Variants in CIITA observed in about 807,000 individuals in gnomAD.
The protein encoded by CIITA is MHC class II transactivator.
CIITA carries 72 observed loss-of-function variants against 115.1 expected under a neutral mutation model. That is an observed-to-expected ratio of 0.63 (90% CI 0.52 to 0.76). The LOEUF (loss-of-function observed/expected upper bound fraction) is 0.76. CIITA is among the 30% of genes least tolerant of loss of function. CIITA has a pLI of 0.00. For missense variants in CIITA, 1,617 were observed against 1,463.8 expected (o/e 1.10, Z -1.71); for synonymous variants, 763 against 635.6 (o/e 1.20, Z -3.02).
At position 10,906,557 on chromosome 16, in the gene CIITA, C is replaced by A; in HGVS notation, c.1065C>A (p.Gly355=). The A allele has an allele frequency of 6.2e-7, 1 of 1,613,090 alleles. No homozygotes were observed. The highest frequency in any genetic ancestry group is 8.5e-7 in the Non-Finnish European group (1 of 1,180,018). ...ACACGTATGGTGCCGAGCCCGCAGGCCCGGATGGCATCCTAGTGGAGGTGG... is the reference window on the plus strand; with the variant it reads ...ACACGTATGGTGCCGAGCCCGCAGGACCGGATGGCATCCTAGTGGAGGTGG... ...LQDTYGAEPA[G]PDGILVEVDL... The change falls in exon 11 of 20, where the codon GGC becomes GGA. Residue 355 remains glycine (G), a synonymous_variant. Transcript: ENST00000324288.
Position 10,877,253 on chromosome 16 carries a change from G to A in CIITA, c.-78G>A. On this transcript the variant is annotated 5_prime_UTR_variant, in exon 1 of 20. Coordinates refer to ENST00000324288, the MANE Select transcript of CIITA (RefSeq NM_000246.4). ...GTGCTTCTGAGCTGGGCATCCGAAG[G>A]CATCCTTGGGGAAGCTGAGGGCACG... The A allele has an allele frequency of 1.5e-6, 2 of 1,354,240 alleles. No individual in the cohort carries two copies. Among genetic ancestry groups the A allele is most frequent in the Non-Finnish European group, 2.1e-6 (2 of 959,512 alleles). The allele number at this position is 1,354,240 out of a possible 1,614,324, so 83.9% of individuals were successfully genotyped here.
chr16:10,867,459 A>T (rs1229129123), intron 1 of CIITA, among the ~76,000 whole-genome samples: 2 of 151,730 alleles, frequency 1.3e-5, no homozygotes, highest in Non-Finnish European at 2.9e-5. Context: ...ACAGAAAGAG[A>T]CAGAGAGACA....
intron 1 of CIITA, among the ~76,000 whole-genome samples, chr16:10,893,575 G>A (rs997701015): frequency 6.6e-6 from 1 of 151,972 alleles, no homozygotes; most frequent in Non-Finnish European, 1.5e-5. Flanking sequence ...GGAGGCCGAG[G>A]AGACAGGCGG....
chr16:10,907,069 G>A lies in CIITA; in HGVS notation c.1577G>A (p.Arg526Gln), dbSNP rs200240463. The A allele has an allele frequency of 8.7e-6, 14 of 1,607,058 alleles. No homozygotes were observed. The highest frequency in any genetic ancestry group is 3.3e-5 in the South Asian group (3 of 91,062). The change falls in exon 11 of 20, where the codon CGG becomes CAG. Residue 526 changes from arginine to glutamine, a missense_variant. Arg to Gln is a conservative substitution (Grantham distance 43). Transcript: ENST00000324288. This position sits in a 1 kb window ranked among gnomAD's most constrained non-coding sequence, Gnocchi z 5.0. ...GPAPAEPCSL[R>Q]GLLAGLFQKK... ...GCACCGGCGGAGCCCTGCTCCCTCC[G>A]GGGGCTGCTGGCCGGCCTTTTCCAG...
Position 10,923,149 on chromosome 16 carries a change from A to G in CIITA, c.3318-79A>G. On this transcript the variant is annotated intron_variant, in intron 18 of 19. Coordinates refer to ENST00000324288, the MANE Select transcript of CIITA (RefSeq NM_000246.4). This position sits in a 1 kb window ranked among gnomAD's most constrained non-coding sequence, Gnocchi z 5.2. ...CGTTCTAGGCTGGGTGGAAGGAGGG[A>G]TTTGGGGGCAGCTGTCACTGGGGCC... is the stretch of plus-strand genomic sequence containing the variant. The G allele has an allele frequency of 1.7e-6, 2 of 1,186,124 alleles. No homozygotes were observed. Among genetic ancestry groups the G allele is most frequent in the Non-Finnish European group, 2.5e-6 (2 of 798,952 alleles). 73.5% of individuals were successfully genotyped at this position (1,186,124 alleles called of 1,614,324 possible).
Position 10,923,464 on chromosome 16 carries a change from T to C in CIITA, c.*22+139T>C. 1 of 676,008 alleles carries C rather than the reference T, an allele frequency of 1.5e-6. No individual in the cohort carries two copies. The highest frequency in any genetic ancestry group is 2.7e-6 in the Non-Finnish European group (1 of 376,280). The allele number at this position is 676,008 out of a possible 1,614,324, so 41.9% of individuals were successfully genotyped here. A position where few individuals can be genotyped will look rare whatever the true frequency, so the allele number is the denominator to read the frequency against. ...TTGGACGCATGCGTCATCAGAGACA[T>C]CCCCTCATCTCCACCCTGGGCTCGG... On this transcript the variant is annotated intron_variant, in intron 19 of 19. Coordinates refer to ENST00000324288, the MANE Select transcript of CIITA (RefSeq NM_000246.4). This position sits in a 1 kb window ranked among gnomAD's most constrained non-coding sequence, Gnocchi z 5.2.
In CIITA at chr16:10,929,496, T is replaced by G. The variant is rs1396433339; in HGVS notation, c.*5641T>G. 1.0e-6 allele frequency: 1 copy of G among 985,574 alleles called. No individual in the cohort carries two copies. The highest frequency in any genetic ancestry group is 1.2e-6 in the Non-Finnish European group (1 of 829,952). 61.1% of individuals were successfully genotyped at this position (985,574 alleles called of 1,614,324 possible). ...CCTCAGCACTCAGTCCCAATCTCTC[T>G]TCCACTCTCCTGGGTTCAAACAGGA... On this transcript the variant is annotated 3_prime_UTR_variant, in exon 20 of 20. Coordinates refer to ENST00000324288, the MANE Select transcript of CIITA (RefSeq NM_000246.4). This position sits in a 1 kb window ranked among gnomAD's most constrained non-coding sequence, Gnocchi z 4.3.
chr16:10,876,523 AAGCTGAG>A (rs1385986124), upstream of CIITA, among the ~76,000 whole-genome samples: 1 of 152,246 alleles, frequency 6.6e-6, no homozygotes, highest in East Asian at 1.9e-4. Context: ...TGTTCACACC[AAGCTGAG>A]ACTTCCTCCT....
chr16:10,883,558 C>A (rs918482365), intron 1 of CIITA, among the ~76,000 whole-genome samples: 1 of 152,164 alleles, frequency 6.6e-6, no homozygotes. Flanking sequence ...TGTCCTCAAT[C>A]GGGACCCAGA....
At chr16:10,877,801 A>T (rs115045463) in intron 1 of CIITA, among the ~76,000 whole-genome samples, 1 of 152,320 alleles carries the variant, frequency 6.6e-6, no homozygotes, top group African/African-American at 2.4e-5. Context: ...AATTGGAGTC[A>T]GCCTTGAGGT....
chr16:10,935,651 C>T lies in CIITA; in HGVS notation c.*11796C>T, dbSNP rs915566847. 7 of 152,248 alleles carry T rather than the reference C, an allele frequency of 4.6e-5. No homozygotes were observed. The highest frequency in any genetic ancestry group is 1.4e-4 in the African/African-American group (6 of 41,468). The allele number at this position is 152,248 out of a possible 1,614,324, so 9.4% of individuals were successfully genotyped here. A position where few individuals can be genotyped will look rare whatever the true frequency, so the allele number is the denominator to read the frequency against. On this transcript the variant is annotated 3_prime_UTR_variant, in exon 20 of 20. Transcript: ENST00000324288. Reference sequence around the variant, plus strand: ...ACCTGGCAGACACCACCTTCACCAACTGATCAAAGTTAACATCGCCAGAAA... The same window carrying T: ...ACCTGGCAGACACCACCTTCACCAATTGATCAAAGTTAACATCGCCAGAAA...
chr16:10,903,099 C>A (rs2038900876), intron 8 of CIITA, among the ~76,000 whole-genome samples: 1 of 152,294 alleles, frequency 6.6e-6, no homozygotes, highest in South Asian at 2.1e-4. Flanking sequence ...TTTTAAATTG[C>A]AACATCAATA....
At chr16:10,918,901 CA>C (rs530140604) in intron 16 of CIITA, among the ~76,000 whole-genome samples, 75 of 152,270 alleles carry the variant, frequency 4.9e-4, no homozygotes, top group African/African-American at 1.7e-3. Flanking sequence ...CCGGCCTTGT[CA>C]CTTACATGCC....
intron 1 of CIITA, among the ~76,000 whole-genome samples, chr16:10,891,115 G>T (rs1055026524): frequency 3.3e-5 from 5 of 152,154 alleles, no homozygotes; most frequent in Admixed American, 1.3e-4. Context: ...GTGGGGGTGG[G>T]CTAAATGTCT....
intron 16 of CIITA, 21 bp from the exon 17 acceptor site, chr16:10,922,146 C>A (rs769254329): frequency 6.2e-7 from 1 of 1,611,978 alleles, no homozygotes; most frequent in African/African-American, 1.3e-5. Flanking sequence ...AATCCCTCCC[C>A]CTGGCCTCTG....
chr16:10,941,850 G>A lies in CIITA; in HGVS notation n.976G>A. ...CGGGCAGGAAGACGAGGCCCACGTT[G>A]AGGACGATGTACTCCATGAGGAAGG... On this transcript the variant is annotated non_coding_transcript_exon_variant, in exon 2 of 2. Transcript: ENST00000573379. This position sits in a 1 kb window ranked among gnomAD's most constrained non-coding sequence, Gnocchi z 6.4. 3.1e-6 allele frequency: 5 copies of A among 1,612,970 alleles called. No homozygotes were observed. Among genetic ancestry groups the A allele is most frequent in the Non-Finnish European group, 4.2e-6 (5 of 1,179,830 alleles).
At chr16:10,869,971 A>G (rs2035365158) in intron 1 of CIITA, among the ~76,000 whole-genome samples, 1 of 152,060 alleles carries the variant, frequency 6.6e-6, no homozygotes, top group Non-Finnish European at 1.5e-5. Context: ...TATGCAATAT[A>G]TATTTGTTGA....
At chr16:10,919,931 G>A (rs1217614351) in intron 16 of CIITA, among the ~76,000 whole-genome samples, 1 of 152,176 alleles carries the variant, frequency 6.6e-6, no homozygotes, top group East Asian at 1.9e-4. Flanking sequence ...CCCCAGGAGG[G>A]TACAGGACTT....
At chr16:10,905,248 C>T (rs2039056356) in intron 10 of CIITA, among the ~76,000 whole-genome samples, 1 of 152,230 alleles carries the variant, frequency 6.6e-6, no homozygotes, top group African/African-American at 2.4e-5. Flanking sequence ...ATTAACATCT[C>T]ACACAATCCC....
Sources: allele counts gnomAD v4.1 joint callset (sites outside exome capture counted in the v4.1 genomes callset), GRCh38; gene constraint gnomAD v4.1.1; non-coding constraint Gnocchi (gnomAD v3.1); transcripts MANE v1.5; gene names NCBI Gene and HGNC (gene_info 2026-07-23, HGNC 2026-07-21).